The following FRMD5 variants were observed in gnomAD, a reference collection of about 807,000 sequenced individuals.
FRMD5 encodes FERM domain containing 5, also known as FERM domain-containing protein 5.
FRMD5 carries 20 observed loss-of-function variants against 69.0 expected under a neutral mutation model. That is an observed-to-expected ratio of 0.29 (90% CI 0.20 to 0.42). FRMD5 has a LOEUF of 0.42. Ranked by LOEUF, FRMD5 falls within the 10% of genes least tolerant of loss-of-function variation. FRMD5 has a pLI of 1.00. For missense variants in FRMD5, 595 were observed against 708.6 expected, an observed-to-expected ratio of 0.84 and a Z score of 1.82; for synonymous variants, 271 against 260.1, an observed-to-expected ratio of 1.04 and a Z score of -0.40.
chr15:43,904,082 C>G (rs76847582), intron 6 of FRMD5, among the ~76,000 whole-genome samples: 4,417 of 152,118 alleles, frequency 0.029, 176 homozygotes, highest in African/African-American at 0.093. Flanking sequence ...GTCGCCATTC[C>G]GCTGGGAGGG....
intron 1 of FRMD5, among the ~76,000 whole-genome samples, chr15:44,190,168 T>G (rs773062990): frequency 6.6e-6 from 1 of 152,150 alleles, no homozygotes; most frequent in Non-Finnish European, 1.5e-5. Context: ...CTAGACACAT[T>G]TGAGAGACGA....
In FRMD5 at chr15:44,114,350, C is replaced by T. The variant is rs190434055; in HGVS notation, c.102+80603G>A. Among the ~76,000 whole-genome samples, 776 of 152,298 alleles carry T rather than the reference C, an allele frequency of 5.1e-3. 19 individuals are homozygous for T. The highest frequency in any genetic ancestry group is 3.0e-3 in the Non-Finnish European group (202 of 68,014). ...AGTCCTCGCTAAGGTATAATGAAATCTCCTTCAAAACTACTGCTTCCTTTA... is the reference window on the plus strand; with the variant it reads ...AGTCCTCGCTAAGGTATAATGAAATTTCCTTCAAAACTACTGCTTCCTTTA... On this transcript the variant is annotated intron_variant, in intron 1 of 13. Coordinates refer to ENST00000417257, the MANE Select transcript of FRMD5 (RefSeq NM_032892.5).
chr15:44,107,148 T>C (rs1462948796), intron 1 of FRMD5, among the ~76,000 whole-genome samples: 2 of 152,088 alleles, frequency 1.3e-5, no homozygotes, highest in African/African-American at 4.8e-5. Context: ...TGTATTTTCA[T>C]TCACAAACGA....
At chr15:43,890,547 C>G (rs2088770484) in intron 8 of FRMD5, among the ~76,000 whole-genome samples, 1 of 152,166 alleles carries the variant, frequency 6.6e-6, no homozygotes, top group African/African-American at 2.4e-5. Context: ...CCAGATGTAT[C>G]CAGGCAGCAG....
chr15:44,135,203 A>G (rs1223773287), intron 1 of FRMD5, among the ~76,000 whole-genome samples: 1 of 152,238 alleles, frequency 6.6e-6, no homozygotes, highest in African/African-American at 2.4e-5. Context: ...ATAATTTTTT[A>G]CAACTTATAA....
At chr15:43,876,342 C>A (rs532265024) in intron 13 of FRMD5, 7 of 898,534 alleles carry the variant, frequency 7.8e-6, no homozygotes, top group Non-Finnish European at 1.3e-5. Flanking sequence ...AGAGCTGGGA[C>A]CACGGTTTGA....
chr15:43,877,614 T>C (rs2088399736), intron 13 of FRMD5, among the ~76,000 whole-genome samples: 1 of 152,234 alleles, frequency 6.6e-6, no homozygotes, highest in Non-Finnish European at 1.5e-5. Context: ...GCCATCTAGT[T>C]ACGCTCCCCA....
rs188034481 is a variant in FRMD5 at position 43,943,110 on chromosome 15, G to A, written c.103-18801C>T. 2.1e-3 allele frequency among the ~76,000 whole-genome samples: 316 copies of A among 152,178 alleles called. 2 individuals are homozygous for A. Among genetic ancestry groups the A allele is most frequent in the Non-Finnish European group, 3.1e-3 (213 of 67,998 alleles). On this transcript the variant is annotated intron_variant, in intron 1 of 13. Transcript: ENST00000417257. ...TACAAAATTAGCTGGGTGTGGTGGC[G>A]CACACCTGTAATCCCAGCTACTCGG...
In FRMD5 at chr15:44,027,448, T is replaced by C. The variant is rs549487614; in HGVS notation, c.103-103139A>G. 3.9e-5 allele frequency among the ~76,000 whole-genome samples: 6 copies of C among 152,252 alleles called. No homozygotes were observed. The South Asian group carries it at 1.2e-3, about 32-fold the overall frequency. On this transcript the variant is annotated intron_variant, in intron 1 of 13. Transcript: ENST00000417257. Reference sequence around the variant, plus strand: ...TTGCTGCAGTAACAACCCCAAATCTTCATGTTTATAAGGACAAAATTTTCT... The same window carrying C: ...TTGCTGCAGTAACAACCCCAAATCTCCATGTTTATAAGGACAAAATTTTCT...
chr15:44,099,472 A>C (rs1022226322), intron 1 of FRMD5, among the ~76,000 whole-genome samples: 6 of 152,132 alleles, frequency 3.9e-5, no homozygotes, highest in African/African-American at 1.4e-4. Flanking sequence ...AATTCCCATC[A>C]TATGATTATG....
intron 1 of FRMD5, among the ~76,000 whole-genome samples, chr15:43,951,276 C>G (rs1163385720): frequency 2.6e-5 from 4 of 151,678 alleles, no homozygotes; most frequent in Non-Finnish European, 2.9e-5. Flanking sequence ...AAAAAAATTA[C>G]CCGGGCATGG....
chr15:44,159,063 G>A (rs544815275), intron 1 of FRMD5, among the ~76,000 whole-genome samples: 25 of 152,276 alleles, frequency 1.6e-4, no homozygotes, highest in Admixed American at 3.3e-4. Context: ...GAGATCCTTA[G>A]GAGGAACAGG....
chr15:44,146,470 T>C (rs2077358170), intron 1 of FRMD5, among the ~76,000 whole-genome samples: 1 of 152,314 alleles, frequency 6.6e-6, no homozygotes, highest in South Asian at 2.1e-4. Context: ...TGTGCATGTA[T>C]CTTTATAACA....
intron 1 of FRMD5, among the ~76,000 whole-genome samples, chr15:43,978,271 A>G (rs2090495401): frequency 1.3e-5 from 2 of 152,200 alleles, no homozygotes; most frequent in South Asian, 4.1e-4. Context: ...ACAAATACAT[A>G]CCATTACAAA....
chr15:44,147,898 G>GC (rs943598309), intron 1 of FRMD5, among the ~76,000 whole-genome samples: 1 of 152,184 alleles, frequency 6.6e-6, no homozygotes, highest in Non-Finnish European at 1.5e-5. Flanking sequence ...CACATAGCTT[G>GC]CAGGAGCCAG....
intron 13 of FRMD5, among the ~76,000 whole-genome samples, chr15:43,883,234 G>A (rs1243685721): frequency 6.6e-6 from 1 of 151,912 alleles, no homozygotes; most frequent in Non-Finnish European, 1.5e-5. Flanking sequence ...CGAGTAGCTG[G>A]GATTAGTCAT....
intron 1 of FRMD5, among the ~76,000 whole-genome samples, chr15:44,193,856 C>G (rs1005121000): frequency 6.6e-6 from 1 of 152,238 alleles, no homozygotes; most frequent in Non-Finnish European, 1.5e-5. Flanking sequence ...CAAGAAGACA[C>G]TGAGGGTAGG....
chr15:44,094,729 C>A (rs1021801132), intron 1 of FRMD5, among the ~76,000 whole-genome samples: 1 of 152,146 alleles, frequency 6.6e-6, no homozygotes, highest in Non-Finnish European at 1.5e-5. Context: ...AATATTCACT[C>A]TGAGCTACTG....
intron 1 of FRMD5, among the ~76,000 whole-genome samples, chr15:43,972,217 G>A (rs940886673): frequency 6.6e-6 from 1 of 151,828 alleles, no homozygotes. Flanking sequence ...GAGCATGGAA[G>A]ACCAACCAAC....
Sources: gnomAD v4.1 joint callset for allele counts (sites outside exome capture counted in the v4.1 genomes callset) on GRCh38, gnomAD v4.1.1 for gene constraint, MANE v1.5 for transcripts, NCBI Gene and HGNC (gene_info 2026-07-23, HGNC 2026-07-21) for gene names.